FHIT: variants seen among roughly 807,000 people sequenced by gnomAD.
FHIT encodes bis(5'-adenosyl)-triphosphatase.
FHIT carries 19 observed loss-of-function variants against 17.9 expected under a neutral mutation model. The observed-to-expected ratio is 1.06, with a 90% CI of 0.74 to 1.56. The LOEUF (loss-of-function observed/expected upper bound fraction) is 1.56. Ranked by LOEUF, FHIT falls within the 40% of genes most tolerant of loss-of-function variation. The probability of loss-of-function intolerance (pLI) is 0.00; values close to 1 mark genes in which losing one functional copy is unlikely to be tolerated. For missense variants in FHIT, 248 were observed against 189.2 expected, an observed-to-expected ratio of 1.31 and a Z score of -1.82; for synonymous variants, 81 against 69.7, an observed-to-expected ratio of 1.16 and a Z score of -0.81.
intron 5 of FHIT, among the ~76,000 whole-genome samples, chr3:60,115,710 G>A (rs1291426892): frequency 1.3e-5 from 2 of 152,032 alleles, no homozygotes; most frequent in Non-Finnish European, 2.9e-5. Flanking sequence ...ATACACAAAG[G>A]TGAATACTTG....
At chr3:59,956,292 C>G (rs1669412833) in intron 7 of FHIT, among the ~76,000 whole-genome samples, 1 of 152,140 alleles carries the variant, frequency 6.6e-6, no homozygotes, top group African/African-American at 2.4e-5. Context: ...GTAATCCCAG[C>G]ACACAGCCTC....
chr3:60,582,109 T>C (rs934062043), intron 4 of FHIT, among the ~76,000 whole-genome samples: 2 of 152,082 alleles, frequency 1.3e-5, no homozygotes, highest in African/African-American at 4.8e-5. Flanking sequence ...ATCAAGTGTG[T>C]AGAGGGGACT....
chr3:60,721,630 CA>C (rs2107964852), intron 4 of FHIT, among the ~76,000 whole-genome samples: 1 of 152,016 alleles, frequency 6.6e-6, no homozygotes, highest in African/African-American at 2.4e-5. Context: ...GCAACAACAA[CA>C]AAAAAGCATG....
At chr3:60,930,722 C>A (rs1364303893) in intron 3 of FHIT, among the ~76,000 whole-genome samples, 1 of 152,078 alleles carries the variant, frequency 6.6e-6, no homozygotes, top group African/African-American at 2.4e-5. Flanking sequence ...ACAACAGGTG[C>A]TGGAGAGGAT....
At chr3:60,009,857 G>C (rs1700073920) in intron 7 of FHIT, among the ~76,000 whole-genome samples, 1 of 152,108 alleles carries the variant, frequency 6.6e-6, no homozygotes, top group Non-Finnish European at 1.5e-5. Context: ...AGAGCCTGTT[G>C]CATAGCAAAT....
At chr3:60,623,471 A>G (rs1553679524) in intron 4 of FHIT, among the ~76,000 whole-genome samples, 1 of 152,188 alleles carries the variant, frequency 6.6e-6, no homozygotes, top group Admixed American at 6.5e-5. Flanking sequence ...CCATCATTTT[A>G]GCTGTAAAAC....
rs1407580661 is a variant in FHIT at position 60,636,285 on chromosome 3, G to T, written c.-17-99306C>A. Among the ~76,000 whole-genome samples the T allele has an allele frequency of 6.6e-5, 10 of 152,100 alleles. No individual in the cohort carries two copies. The South Asian group carries it at 1.5e-3, about 22-fold the overall frequency. ...GGGGTTTCACCATGTTGGTCAGGAT[G>T]GTCTCGATCTCTTGACCTCATGATC... On this transcript the variant is annotated intron_variant, in intron 4 of 9. Transcript: ENST00000492590.
chr3:60,240,125 T>A (rs1247984496), intron 5 of FHIT, among the ~76,000 whole-genome samples: 1 of 152,164 alleles, frequency 6.6e-6, no homozygotes, highest in Non-Finnish European at 1.5e-5. Flanking sequence ...AGGTTTTCAA[T>A]ATCAATATGC....
At chr3:60,591,422 A>G (rs1553664223) in intron 4 of FHIT, among the ~76,000 whole-genome samples, 1 of 152,068 alleles carries the variant, frequency 6.6e-6, no homozygotes, top group Non-Finnish European at 1.5e-5. Context: ...TGGTGTTTAC[A>G]TTATTTGACA....
At chr3:59,928,594 A>G (rs1705790837) in intron 7 of FHIT, among the ~76,000 whole-genome samples, 1 of 152,244 alleles carries the variant, frequency 6.6e-6, no homozygotes, top group Admixed American at 6.5e-5. Flanking sequence ...ATGAATAGAC[A>G]TTTCTCCAAA....
intron 8 of FHIT, among the ~76,000 whole-genome samples, chr3:59,763,491 TA>T (rs1249211723): frequency 6.6e-6 from 1 of 152,246 alleles, no homozygotes; most frequent in Non-Finnish European, 1.5e-5. Flanking sequence ...CCCAAGCATT[TA>T]AAGCTTGTTT....
At chr3:60,530,252 G>A (rs139829653) in intron 5 of FHIT, among the ~76,000 whole-genome samples, 51 of 152,306 alleles carry the variant, frequency 3.3e-4, no homozygotes, top group African/African-American at 1.1e-3. Flanking sequence ...AGCCAGAAGA[G>A]TCAAGGAAGA....
At chr3:60,879,851 A>T (rs1185384605) in intron 3 of FHIT, among the ~76,000 whole-genome samples, 5 of 151,918 alleles carry the variant, frequency 3.3e-5, no homozygotes, top group East Asian at 1.9e-4. Flanking sequence ...AGAAAAAAAA[A>T]TAAGAAAGAA....
chr3:61,018,973 C>T (rs1490888318), intron 3 of FHIT, among the ~76,000 whole-genome samples: 8 of 152,078 alleles, frequency 5.3e-5, no homozygotes, highest in African/African-American at 7.2e-5. Context: ...TGAGATAAAC[C>T]GGCAGTCATC....
intron 4 of FHIT, among the ~76,000 whole-genome samples, chr3:60,737,518 C>T (rs2042157858): frequency 2.0e-5 from 3 of 152,190 alleles, no homozygotes; most frequent in African/African-American, 2.4e-5. Context: ...TTCTGTGTTG[C>T]TAATAGCATT....
At chr3:61,134,908 A>C (rs1240063274) in intron 2 of FHIT, among the ~76,000 whole-genome samples, 1 of 152,122 alleles carries the variant, frequency 6.6e-6, no homozygotes, top group African/African-American at 2.4e-5. Flanking sequence ...GTAGCCTCTG[A>C]GGGCATTTAT....
chr3:60,898,744 A>T (rs1235938257), intron 3 of FHIT, among the ~76,000 whole-genome samples: 1 of 152,158 alleles, frequency 6.6e-6, no homozygotes, highest in East Asian at 1.9e-4. Flanking sequence ...AATCCTGTAC[A>T]ACTTCCTAAC....
chr3:60,686,264 G>T (rs2107873434), intron 4 of FHIT, among the ~76,000 whole-genome samples: 1 of 152,248 alleles, frequency 6.6e-6, no homozygotes, highest in African/African-American at 2.4e-5. Flanking sequence ...TGGGTTTTCA[G>T]CAGTTTGATT....
chr3:59,813,069 A>G (rs1391701258), intron 8 of FHIT, among the ~76,000 whole-genome samples: 1 of 152,222 alleles, frequency 6.6e-6, no homozygotes, highest in East Asian at 1.9e-4. Context: ...TCCATTAAAA[A>G]TGGTAATGTC....
Sources: allele counts gnomAD v4.1 joint callset (sites outside exome capture counted in the v4.1 genomes callset), GRCh38; gene constraint gnomAD v4.1.1; transcripts MANE v1.5; gene names NCBI Gene and HGNC (gene_info 2026-07-23, HGNC 2026-07-21).